The following IRAK1BP1 variants were observed in gnomAD, a reference collection of about 807,000 sequenced individuals.
IRAK1BP1 encodes the protein interleukin 1 receptor associated kinase 1 binding protein 1.
IRAK1BP1 carries 24 observed loss-of-function variants against 28.0 expected under a neutral mutation model. The observed-to-expected ratio is 0.86, with a 90% CI of 0.62 to 1.20. IRAK1BP1 has a LOEUF of 1.20. IRAK1BP1 is among the 50% of genes most tolerant of loss of function. The pLI, the probability that IRAK1BP1 is intolerant of heterozygous loss-of-function variation, is 0.00. For synonymous variants in IRAK1BP1, 131 were observed against 116.3 expected (o/e 1.13, Z -0.81); for missense variants, 336 against 316.7 (o/e 1.06, Z -0.46).
chr6:78,974,433 C>T, the IRAK1BP1 span, among the ~76,000 whole-genome samples: 1 of 151,350 alleles, frequency 6.6e-6, no homozygotes, highest in East Asian at 1.9e-4. Context: ...AGGAAAGATC[C>T]AAAATTGACA....
At chr6:78,933,206 A>G (rs1466906343) in intron 4 of IRAK1BP1, among the ~76,000 whole-genome samples, 1 of 152,232 alleles carries the variant, frequency 6.6e-6, no homozygotes, top group Non-Finnish European at 1.5e-5. Flanking sequence ...AGGATGTTTC[A>G]TCTGCGTTGA....
intron 4 of IRAK1BP1, among the ~76,000 whole-genome samples, chr6:78,941,897 G>A (rs948471239): frequency 6.6e-6 from 1 of 152,082 alleles, no homozygotes; most frequent in Non-Finnish European, 1.5e-5. Flanking sequence ...CATAAAACAG[G>A]AGAGAAAATC....
downstream of IRAK1BP1, among the ~76,000 whole-genome samples, chr6:78,907,179 T>C (rs1406413078): frequency 6.6e-6 from 1 of 152,220 alleles, no homozygotes; most frequent in Non-Finnish European, 1.5e-5. Context: ...GCTGTGCAAA[T>C]TATTTTAGAA....
chr6:78,961,626 T>C, the IRAK1BP1 span: 1 of 1,540,536 alleles, frequency 6.5e-7, no homozygotes, highest in Non-Finnish European at 8.9e-7. Flanking sequence ...CTGCTAAAGA[T>C]CAGTAAATGG....
intron 1 of IRAK1BP1, chr6:78,872,227 T>C: frequency 1.6e-6 from 1 of 627,140 alleles, no homozygotes; most frequent in South Asian, 1.9e-5. Context: ...TATCCTTTAG[T>C]GCCTTTCTTT....
chr6:78,933,017 C>T (rs1295146233), intron 4 of IRAK1BP1, among the ~76,000 whole-genome samples: 1 of 151,904 alleles, frequency 6.6e-6, no homozygotes, highest in Admixed American at 6.6e-5. Context: ...ATTGACAGAG[C>T]ATGGTAGGGT....
Position 78,945,904 on chromosome 6 carries a change from T to C in IRAK1BP1, c.*564T>C. Reference sequence around the variant, plus strand: ...AGAAGGCAAAAACAACAGTGTCTGCTAGGAATTACTAAAACTCAGTATATT... The same window carrying C: ...AGAAGGCAAAAACAACAGTGTCTGCCAGGAATTACTAAAACTCAGTATATT... On this transcript the variant is annotated 3_prime_UTR_variant and NMD_transcript_variant, in exon 5 of 5. Transcript: ENST00000606868. 8 of 845,754 alleles carry C rather than the reference T, an allele frequency of 9.5e-6. No homozygotes were observed. The East Asian group carries it at 9.9e-5, about 10-fold the overall frequency. 52.4% of individuals were successfully genotyped at this position (845,754 alleles called of 1,614,324 possible).
exon 5 of IRAK1BP1, chr6:78,945,838 C>A: frequency 1.6e-6 from 1 of 628,072 alleles, no homozygotes; most frequent in South Asian, 2.2e-5. Context: ...CAATTTAATT[C>A]TTCTTATTAA....
the IRAK1BP1 span, chr6:78,961,575 T>A: frequency 1.1e-6 from 1 of 943,600 alleles, no homozygotes; most frequent in South Asian, 1.5e-5. Flanking sequence ...ATAATCCCCA[T>A]AATCTTATGT....
At chr6:78,947,789 A>G (rs1562116144), downstream of IRAK1BP1, 1 of 1,589,026 alleles carries the variant, frequency 6.3e-7, no homozygotes. Context: ...GGAGAGGGAA[A>G]ACAGGTGGTG....
intron 1 of IRAK1BP1, among the ~76,000 whole-genome samples, chr6:78,868,647 T>G (rs1770681138): frequency 6.6e-6 from 1 of 152,200 alleles, no homozygotes; most frequent in Non-Finnish European, 1.5e-5. Context: ...ACAATAGCAC[T>G]GTTAGGCATG....
the IRAK1BP1 span, among the ~76,000 whole-genome samples, chr6:78,972,439 A>T: frequency 1.3e-5 from 2 of 152,236 alleles, no homozygotes; most frequent in South Asian, 4.1e-4. Flanking sequence ...AAAACAGAAC[A>T]GAAAAACTGG....
chr6:78,898,005 T>C (rs933624374), intron 3 of IRAK1BP1, 46 bp downstream of exon 3: 6 of 1,607,750 alleles, frequency 3.7e-6, no homozygotes, highest in Non-Finnish European at 5.1e-6. Flanking sequence ...TAAACAAAAC[T>C]ATCCAGTGCT....
intron 4 of IRAK1BP1, chr6:78,936,673 C>T (rs1773281601): frequency 6.6e-6 from 1 of 151,744 alleles, no homozygotes; most frequent in Non-Finnish European, 1.5e-5. Flanking sequence ...CTATTTATAG[C>T]TCATATTTTC....
chr6:78,964,899 A>T, the IRAK1BP1 span, among the ~76,000 whole-genome samples: 1 of 152,208 alleles, frequency 6.6e-6, no homozygotes, highest in Non-Finnish European at 1.5e-5. Context: ...TCTCGACAAT[A>T]TCCTTCTAAT....
At chr6:78,936,075 G>GA (rs1773262372) in intron 4 of IRAK1BP1, 1 of 151,964 alleles carries the variant, frequency 6.6e-6, no homozygotes, top group East Asian at 1.9e-4. Flanking sequence ...ATTCTGGTGT[G>GA]AAACTGCTGT....
At chr6:78,952,650 C>A in the IRAK1BP1 span, among the ~76,000 whole-genome samples, 1 of 152,040 alleles carries the variant, frequency 6.6e-6, no homozygotes, top group Non-Finnish European at 1.5e-5. Flanking sequence ...TAGATCTTTA[C>A]ACTTACTATC....
intron 2 of IRAK1BP1, among the ~76,000 whole-genome samples, chr6:78,893,308 GTGTGTGTATATATATATATATA>G (rs1771738009): frequency 1.1e-5 from 1 of 87,798 alleles, no homozygotes; most frequent in African/African-American, 4.2e-5. Context: ...GTGTGTGTGT[GTGTGTGTATATATATATATATA>G]TATATATATA....
downstream of IRAK1BP1, among the ~76,000 whole-genome samples, chr6:78,948,492 G>A (rs1247107726): frequency 1.3e-5 from 2 of 152,026 alleles, no homozygotes; most frequent in East Asian, 3.9e-4. Flanking sequence ...GGGACAAAGA[G>A]TATTGTACCC....
Sources: gnomAD v4.1 joint callset for allele counts (sites outside exome capture counted in the v4.1 genomes callset) on GRCh38, gnomAD v4.1.1 for gene constraint, MANE v1.5 for transcripts, NCBI Gene and HGNC (gene_info 2026-07-23, HGNC 2026-07-21) for gene names.